ZBTB20: variants seen among roughly 807,000 people sequenced by gnomAD.
ZBTB20 encodes the protein zinc finger and BTB domain containing 20.
Under a neutral mutation model 56.9 loss-of-function variants are expected in ZBTB20, and 9 were observed. That is an observed-to-expected ratio of 0.16 (90% confidence interval 0.10 to 0.28). The LOEUF is 0.28. ZBTB20 is among the 10% of genes least tolerant of loss of function. ZBTB20 has a pLI of 1.00. For synonymous variants in ZBTB20, 417 were observed against 420.7 expected (o/e 0.99, Z 0.11); for missense variants, 655 against 1,003.0 (o/e 0.65, Z 4.69).
At chr3:114,953,600 C>A (rs1182841124) in intron 3 of ZBTB20, among the ~76,000 whole-genome samples, 1 of 151,866 alleles carries the variant, frequency 6.6e-6, no homozygotes, top group Admixed American at 6.6e-5. Context: ...AGTGAAGAAA[C>A]CTGCCAGTGA....
At chr3:114,844,548 A>AAAAAAAAAAAAAC (rs2074585111) in intron 4 of ZBTB20, among the ~76,000 whole-genome samples, 1 of 141,264 alleles carries the variant, frequency 7.1e-6, no homozygotes, top group Non-Finnish European at 1.5e-5. Flanking sequence ...AAAAAAAAAA[A>AAAAAAAAAAAAAC]AAAACTTTCA....
chr3:114,787,354 T>C lies in ZBTB20; in HGVS notation c.-343+13747A>G, dbSNP rs1461769478. The stretch of plus-strand genomic sequence containing the variant: ...GGTTATATATATATATATATATATA[T>C]ATATATATATATATACACACACACA... On this transcript the variant is annotated intron_variant, in intron 5 of 11. Transcript: ENST00000675478. Among the ~76,000 whole-genome samples, 4 of 122,998 alleles carry C rather than the reference T, an allele frequency of 3.3e-5. 1 individual carries two copies. Among genetic ancestry groups the C allele is most frequent in the African/African-American group, 1.2e-4 (3 of 25,890 alleles). The allele number at this position is 122,998 out of a possible 152,430, so 80.7% of individuals were successfully genotyped here.
chr3:114,725,758 T>C (rs1374760661), intron 5 of ZBTB20, among the ~76,000 whole-genome samples: 1 of 152,246 alleles, frequency 6.6e-6, no homozygotes, highest in African/African-American at 2.4e-5. Context: ...AGGAGAATTA[T>C]GGTCTCTAAT....
intron 1 of ZBTB20, chr3:115,144,768 T>C (rs1361771227): frequency 1.3e-5 from 2 of 152,192 alleles, no homozygotes; most frequent in African/African-American, 4.8e-5. Flanking sequence ...ATTTGACAAT[T>C]TTTAACCTGA....
At chr3:114,767,537 G>A (rs990418997) in intron 5 of ZBTB20, among the ~76,000 whole-genome samples, 4 of 151,310 alleles carry the variant, frequency 2.6e-5, no homozygotes, top group Non-Finnish European at 5.9e-5. Flanking sequence ...GAGGAAAGAT[G>A]GAAGGACAGA....
chr3:115,034,000 C>A (rs912545666), intron 2 of ZBTB20, among the ~76,000 whole-genome samples: 5 of 151,642 alleles, frequency 3.3e-5, no homozygotes, highest in Admixed American at 2.0e-4. Flanking sequence ...AGGGAAAAAA[C>A]AATAATCTTG....
intron 6 of ZBTB20, among the ~76,000 whole-genome samples, chr3:114,663,248 A>G (rs2060845135): frequency 6.7e-6 from 1 of 149,512 alleles, no homozygotes; most frequent in Admixed American, 6.7e-5. Context: ...ATTCTTAAAG[A>G]AAAGAATTTT....
At chr3:114,417,082 C>T (rs962092515) in intron 7 of ZBTB20, among the ~76,000 whole-genome samples, 1 of 152,066 alleles carries the variant, frequency 6.6e-6, no homozygotes, top group African/African-American at 2.4e-5. Context: ...TGTGTTGTAA[C>T]ATAATAAAAT....
chr3:114,359,549 G>T lies in ZBTB20; in HGVS notation c.200-7671C>A, dbSNP rs544426475. The T allele has an allele frequency of 9.2e-5, 14 of 152,282 alleles. No individual in the cohort carries two copies. In the South Asian group the frequency reaches 2.9e-3, roughly 32 times the overall value. 9.4% of individuals were successfully genotyped at this position (152,282 alleles called of 1,614,324 possible). ...TCCTCTTATATTGTAAACCTTTTGA[G>T]ACACCTTTTAGGAGTTTCATTTTTT... On this transcript the variant is annotated intron_variant, in intron 10 of 11. Coordinates refer to ENST00000675478, the MANE Select transcript of ZBTB20 (RefSeq NM_001348800.3).
chr3:114,709,705 C>T (rs2063936643), intron 5 of ZBTB20, among the ~76,000 whole-genome samples: 1 of 152,126 alleles, frequency 6.6e-6, no homozygotes, highest in Non-Finnish European at 1.5e-5. Flanking sequence ...ATTGAAAGCT[C>T]CAAATGTGAT....
chr3:114,679,846 T>C (rs759486475), intron 6 of ZBTB20, among the ~76,000 whole-genome samples: 1 of 152,214 alleles, frequency 6.6e-6, no homozygotes, highest in Non-Finnish European at 1.5e-5. Context: ...CATATGTTTA[T>C]TGCAGCACTA....
At chr3:114,757,868 T>C (rs1242457213) in intron 5 of ZBTB20, among the ~76,000 whole-genome samples, 4 of 152,138 alleles carry the variant, frequency 2.6e-5, no homozygotes, top group African/African-American at 9.6e-5. Flanking sequence ...ATCTGATTAA[T>C]TTCTGTGTGA....
At chr3:114,479,524 A>C (rs2041281339) in intron 7 of ZBTB20, among the ~76,000 whole-genome samples, 1 of 152,240 alleles carries the variant, frequency 6.6e-6, no homozygotes, top group South Asian at 2.1e-4. Flanking sequence ...CACCGTTAGA[A>C]GTATGGGCTC....
chr3:114,455,652 T>A (rs2091969058), intron 7 of ZBTB20, among the ~76,000 whole-genome samples: 1 of 151,946 alleles, frequency 6.6e-6, no homozygotes, highest in South Asian at 2.1e-4. Context: ...TGGCAAGAGA[T>A]CAGCACAGAC....
At chr3:114,703,654 T>A (rs992160793) in intron 5 of ZBTB20, among the ~76,000 whole-genome samples, 2 of 152,200 alleles carry the variant, frequency 1.3e-5, no homozygotes, top group African/African-American at 4.8e-5. Context: ...TTATTTTGAC[T>A]GGTAAAAACA....
At chr3:114,444,612 C>A (rs2108986814) in intron 7 of ZBTB20, among the ~76,000 whole-genome samples, 1 of 152,234 alleles carries the variant, frequency 6.6e-6, no homozygotes, top group South Asian at 2.1e-4. Flanking sequence ...TTTTGCCTTG[C>A]TCATCTTGAA....
intron 6 of ZBTB20, among the ~76,000 whole-genome samples, chr3:114,568,203 T>A (rs1177450776): frequency 6.6e-6 from 1 of 152,202 alleles, no homozygotes; most frequent in Non-Finnish European, 1.5e-5. Flanking sequence ...ACTATACAAC[T>A]AATTAGTAAA....
chr3:114,958,500 A>G (rs1409669825), intron 3 of ZBTB20, among the ~76,000 whole-genome samples: 1 of 152,162 alleles, frequency 6.6e-6, no homozygotes, highest in African/African-American at 2.4e-5. Context: ...AGCAGAATAC[A>G]GTCTTTTTCT....
chr3:114,783,997 G>A (rs2140346), intron 5 of ZBTB20, among the ~76,000 whole-genome samples: 150,063 of 152,230 alleles, frequency 0.99, 74,007 homozygotes, highest in East Asian at 1. Flanking sequence ...TTAATGAGGA[G>A]AAGTTAAAGT....
Sources: gnomAD v4.1 joint callset for allele counts (sites outside exome capture counted in the v4.1 genomes callset) on GRCh38, gnomAD v4.1.1 for gene constraint, MANE v1.5 for transcripts, NCBI Gene and HGNC (gene_info 2026-07-23, HGNC 2026-07-21) for gene names.